IGDCC4: variants seen among roughly 807,000 people sequenced by gnomAD.
The protein encoded by IGDCC4 is immunoglobulin superfamily DCC subclass member 4, also known as likely ortholog of mouse neighbor of Punc E11.
Under a neutral mutation model 116.6 loss-of-function variants are expected in IGDCC4, and 72 were observed. The observed-to-expected ratio is 0.62, with a 90% CI of 0.51 to 0.75. IGDCC4 has a LOEUF of 0.75. Among genes scored for constraint, IGDCC4 ranks in the 30% least tolerant of loss-of-function variants. The pLI, the probability that IGDCC4 is intolerant of heterozygous loss-of-function variation, is 0.00. For missense variants in IGDCC4, 1,501 were observed against 1,662.4 expected (o/e 0.90, Z 1.69); for synonymous variants, 709 against 719.9 (o/e 0.98, Z 0.24).
Position 65,393,300 on chromosome 15 carries a change from G to A in IGDCC4, c.1885+61C>T. ...CAGGGGGTGGGGCGCTGGGTCCCAA[G>A]GACACACGCACACCCACACAGTCAC... On this transcript the variant is annotated intron_variant, in intron 10 of 19. Transcript: ENST00000352385. This position sits in a 1 kb window ranked among gnomAD's most constrained non-coding sequence, Gnocchi z 4.6. 1 of 1,494,646 alleles carries A rather than the reference G, an allele frequency of 6.7e-7. No homozygotes were observed. The highest frequency in any genetic ancestry group is 9.0e-7 in the Non-Finnish European group (1 of 1,115,924). The allele number at this position is 1,494,646 out of a possible 1,614,324, so 92.6% of individuals were successfully genotyped here.
At chr15:65,392,563 G>A (rs1218681175) in intron 10 of IGDCC4, among the ~76,000 whole-genome samples, 193 bp from the exon 11 acceptor site, 1 of 152,172 alleles carries the variant, frequency 6.6e-6, no homozygotes, top group Non-Finnish European at 1.5e-5. Context: ...CCTGGGCTTG[G>A]TCTAGAGGTG....
rs984446689 is a variant in IGDCC4 at position 65,422,897 on chromosome 15, C to T, written c.-35G>A. 1.9e-5 allele frequency: 19 copies of T among 1,022,102 alleles called. No homozygotes were observed. In the African/African-American group the frequency reaches 3.1e-4, roughly 17 times the overall value. 63.3% of individuals were successfully genotyped at this position (1,022,102 alleles called of 1,614,324 possible). A position where few individuals can be genotyped will look rare whatever the true frequency, so the allele number is the denominator to read the frequency against. On this transcript the variant is annotated 5_prime_UTR_variant, in exon 1 of 20. Coordinates refer to ENST00000352385, the MANE Select transcript of IGDCC4 (RefSeq NM_020962.3). ...CTCGGGCCGCCGCCGCCGCCGCCGC[C>T]TCCCCGTGCTTCGGCCGCCGCCGCG...
intron 13 of IGDCC4, among the ~76,000 whole-genome samples, chr15:65,389,656 A>G (rs566713360): frequency 6.6e-6 from 1 of 152,244 alleles, no homozygotes; most frequent in Admixed American, 6.5e-5. Context: ...GGATTAATCC[A>G]AGTTATTCTC....
chr15:65,390,459 G>A (rs1173282944), intron 12 of IGDCC4, 121 bp from the exon 13 acceptor site: 4 of 746,600 alleles, frequency 5.4e-6, no homozygotes, highest in Non-Finnish European at 5.9e-6. Context: ...TGTGAGTTGA[G>A]TGGCATCATT....
Position 65,396,088 on chromosome 15 carries a change from G to C in IGDCC4, c.1073C>G (p.Ala358Gly). Residue 358 changes from alanine (A) to glycine (G), a missense_variant, in exon 7 of 20, where the codon GCG becomes GGG. Ala to Gly is a moderately conservative substitution (Grantham distance 60). Coordinates refer to ENST00000352385, the MANE Select transcript of IGDCC4 (RefSeq NM_020962.3). ...RASTARFVCRASGEPRPALRW... is the reference protein window; with the variant it reads ...RASTARFVCRGSGEPRPALRW... The stretch of plus-strand genomic sequence containing the variant: ...CAGCGCTGGCCGCGGCTCCCCCGAC[G>C]CGCGGCACACGAAGCGCGCTGTGCT... 1 of 1,384,824 alleles carries C rather than the reference G, an allele frequency of 7.2e-7. No individual in the cohort carries two copies. The highest frequency in any genetic ancestry group is 9.3e-7 in the Non-Finnish European group (1 of 1,077,152). The allele number at this position is 1,384,824 out of a possible 1,614,324, so 85.8% of individuals were successfully genotyped here. A position where few individuals can be genotyped will look rare whatever the true frequency, so the allele number is the denominator to read the frequency against.
chr15:65,390,048 C>T, intron 13 of IGDCC4, 107 bp downstream of exon 13: 6 of 1,007,570 alleles, frequency 6.0e-6, no homozygotes, highest in Non-Finnish European at 8.8e-6. Context: ...ATGACATGTT[C>T]CTGAATCCCA....
At chr15:65,421,372 C>T (rs2063188617) in intron 1 of IGDCC4, among the ~76,000 whole-genome samples, 2 of 152,200 alleles carry the variant, frequency 1.3e-5, no homozygotes, top group East Asian at 3.9e-4. Flanking sequence ...ACAGACCTCT[C>T]TCTGACACTT....
intron 13 of IGDCC4, 148 bp from the exon 14 acceptor site, chr15:65,389,559 C>T (rs2091493184): frequency 3.9e-6 from 4 of 1,019,268 alleles, no homozygotes; most frequent in African/African-American, 3.2e-5. Flanking sequence ...GCGACTACCA[C>T]CACCCAGGGA....
In IGDCC4 at chr15:65,411,229, G is replaced by C. The variant is rs1247684766; in HGVS notation, c.212C>G (p.Thr71Ser). Residue 71 changes from threonine (T) to serine (S), a missense_variant, in exon 2 of 20, where the codon ACC becomes AGC. Around this residue, in one of 3 missense-constraint regions of IGDCC4, gnomAD observed 898 missense variants for 978.9 expected, o/e 0.92. Coordinates refer to ENST00000352385, the MANE Select transcript of IGDCC4 (RefSeq NM_020962.3). ...CAGGGTGTCCCCATCCTTGCTCCAG[G>C]TCACCCTGGTGGGGGGTCCAGCGGC... Reference protein sequence around the residue: ...AAAAGPPTRVTWSKDGDTLLE... With the variant: ...AAAAGPPTRVSWSKDGDTLLE... The C allele has an allele frequency of 6.8e-6, 11 of 1,614,056 alleles. No individual in the cohort carries two copies. Among genetic ancestry groups the C allele is most frequent in the Non-Finnish European group, 9.3e-6 (11 of 1,180,032 alleles).
rs573737929 is a variant in IGDCC4 at position 65,419,942 on chromosome 15, G to T, written c.70+2851C>A. ...CCTTCATTCTGCCTCATGTTTTTTT[G>T]TTGTTGTTGTGTTTGTTTTTTTGAG... On this transcript the variant is annotated intron_variant, in intron 1 of 19. Coordinates refer to ENST00000352385, the MANE Select transcript of IGDCC4 (RefSeq NM_020962.3). Among the ~76,000 whole-genome samples, 16 of 152,188 alleles carry T rather than the reference G, an allele frequency of 1.1e-4. No individual in the cohort carries two copies. The East Asian group carries it at 1.4e-3, about 13-fold the overall frequency.
chr15:65,395,398 TA>T, intron 7 of IGDCC4, 140 bp from the exon 8 acceptor site: 1 of 869,946 alleles, frequency 1.1e-6, no homozygotes. Context: ...CTGGAGTGTA[TA>T]AACTCCCTCA....
chr15:65,408,523 A>G (rs1044319048), intron 3 of IGDCC4, among the ~76,000 whole-genome samples: 1 of 152,154 alleles, frequency 6.6e-6, no homozygotes, highest in Non-Finnish European at 1.5e-5. Flanking sequence ...TGGGCAAACG[A>G]GCCTAGGAAG....
chr15:65,412,348 C>G (rs1011058467), intron 1 of IGDCC4, among the ~76,000 whole-genome samples: 2 of 151,486 alleles, frequency 1.3e-5, no homozygotes, highest in African/African-American at 4.9e-5. Flanking sequence ...CCCGTCTCTA[C>G]TAAAAATACA....
intron 6 of IGDCC4, 101 bp from the exon 7 acceptor site, chr15:65,396,264 C>G (rs1287179189): frequency 2.4e-6 from 3 of 1,274,210 alleles, no homozygotes; most frequent in Non-Finnish European, 3.2e-6. Context: ...CTCCCTCGCT[C>G]CCCTTCCAAT....
chr15:65,400,755 T>A, intron 5 of IGDCC4, 51 bp downstream of exon 5: 2 of 1,547,716 alleles, frequency 1.3e-6, no homozygotes, highest in South Asian at 2.5e-5. Flanking sequence ...GCATGTGAGA[T>A]GCCACATCCC....
chr15:65,396,690 T>G, intron 6 of IGDCC4, 144 bp downstream of exon 6: 1 of 1,054,862 alleles, frequency 9.5e-7, no homozygotes, highest in Non-Finnish European at 1.3e-6. Context: ...TCGTCCCACC[T>G]CCGCCTTACT....
rs1035493409 is a variant in IGDCC4 at position 65,382,447 on chromosome 15, T to C, written c.*1562A>G. 16 of 151,854 alleles carry C rather than the reference T, an allele frequency of 1.1e-4. No individual in the cohort carries two copies. Among genetic ancestry groups the C allele is most frequent in the African/African-American group, 3.6e-4 (15 of 41,180 alleles). 9.4% of individuals were successfully genotyped at this position (151,854 alleles called of 1,614,324 possible). A position where few individuals can be genotyped will look rare whatever the true frequency, so the allele number is the denominator to read the frequency against. On this transcript the variant is annotated 3_prime_UTR_variant, in exon 20 of 20. Coordinates refer to ENST00000352385, the MANE Select transcript of IGDCC4 (RefSeq NM_020962.3). The stretch of plus-strand genomic sequence containing the variant: ...AAAAAGGAAAAATGGACTGGTTATT[T>C]CGAATTTGGCCCAGAAGGCAGAGTT...
chr15:65,398,533 CAAAAAA>C (rs3082803), intron 5 of IGDCC4, among the ~76,000 whole-genome samples: 8 of 77,664 alleles, frequency 1.0e-4, no homozygotes, highest in South Asian at 5.1e-4. Flanking sequence ...AACTCCATCT[CAAAAAA>C]AAAAAAAAAA....
chr15:65,394,978 CA>C, intron 8 of IGDCC4, 115 bp downstream of exon 8: 2 of 1,173,974 alleles, frequency 1.7e-6, no homozygotes, highest in Non-Finnish European at 2.3e-6. Context: ...TTACGGGGCA[CA>C]AAAGATGATA....
Sources: gnomAD v4.1 joint callset for allele counts (sites outside exome capture counted in the v4.1 genomes callset) on GRCh38, gnomAD v4.1.1 for gene constraint, gnomAD v4.1.1 regional missense constraint, Gnocchi (gnomAD v3.1) non-coding constraint, MANE v1.5 for transcripts, NCBI Gene and HGNC (gene_info 2026-07-23, HGNC 2026-07-21) for gene names.